LRP1B: variants seen among roughly 807,000 people sequenced by gnomAD.
The protein encoded by LRP1B is LDL receptor related protein 1B.
In LRP1B, 217 loss-of-function variants were observed where a neutral mutation model predicts 556.6. The observed-to-expected ratio is 0.39, with a 90% CI of 0.35 to 0.44. The LOEUF (loss-of-function observed/expected upper bound fraction) is 0.44. LRP1B is among the 20% of genes least tolerant of loss of function. The probability of loss-of-function intolerance (pLI) is 1.00; values close to 1 mark genes in which losing one functional copy is unlikely to be tolerated. For missense variants in LRP1B, 5,053 were observed against 5,620.8 expected (o/e 0.90, Z 3.23); for synonymous variants, 2,047 against 1,865.8 (o/e 1.10, Z -2.50).
At chr2:140,598,902 C>T in intron 42 of LRP1B, 67 bp from the exon 43 acceptor site, 1 of 976,010 alleles carries the variant, frequency 1.0e-6, no homozygotes, top group Non-Finnish European at 1.6e-6. Context: ...CTAATAGAAA[C>T]ATGGCAATAC....
intron 72 of LRP1B, among the ~76,000 whole-genome samples, chr2:140,361,341 C>CACATATAT (rs1553454117): frequency 6.5e-5 from 2 of 30,730 alleles, no homozygotes; most frequent in Admixed American, 5.8e-4. Flanking sequence ...ACTTGGAAAG[C>CACATATAT]ATATATATAT....
intron 24 of LRP1B, 87 bp from the exon 25 acceptor site, chr2:140,884,108 G>C: frequency 8.4e-7 from 1 of 1,184,822 alleles, no homozygotes; most frequent in Non-Finnish European, 1.2e-6. Context: ...GTGATCAGCA[G>C]TACAAATTAT....
At chr2:141,705,495 T>C (rs575893654) in intron 2 of LRP1B, among the ~76,000 whole-genome samples, 13 of 152,120 alleles carry the variant, frequency 8.5e-5, no homozygotes, top group Non-Finnish European at 1.5e-4. Flanking sequence ...AGGTAGTGCT[T>C]AATGATTGCT....
chr2:140,495,788 G>T (rs776713563), intron 55 of LRP1B, 40 bp from the exon 56 acceptor site: 85 of 1,513,416 alleles, frequency 5.6e-5, no homozygotes, highest in Non-Finnish European at 7.4e-5. Flanking sequence ...TCATATCATT[G>T]TCACTGTCTT....
chr2:141,902,396 C>A (rs1699644779), intron 1 of LRP1B, among the ~76,000 whole-genome samples: 1 of 151,876 alleles, frequency 6.6e-6, no homozygotes, highest in Non-Finnish European at 1.5e-5. Flanking sequence ...ATACATATAA[C>A]TATGGCAGAG....
rs373356995 is a variant in LRP1B, at chr2:140,456,357, C to T, written c.9963+98G>A. 8.8e-5 allele frequency: 104 copies of T among 1,184,362 alleles called. No individual in the cohort carries two copies. In the African/African-American group the frequency reaches 1.5e-3, roughly 17 times the overall value. The allele number at this position is 1,184,362 out of a possible 1,614,324, so 73.4% of individuals were successfully genotyped here. Reference sequence around the variant, plus strand: ...GTGTTTTCCTTTATTCTGTGACCATCTCTACAATGTATGGAATGATCATTC... The same window carrying T: ...GTGTTTTCCTTTATTCTGTGACCATTTCTACAATGTATGGAATGATCATTC... On this transcript the variant is annotated intron_variant, in intron 62 of 90. Coordinates refer to ENST00000389484, the MANE Select transcript of LRP1B (RefSeq NM_018557.3).
chr2:142,025,674 T>C (rs115990237), intron 1 of LRP1B, among the ~76,000 whole-genome samples: 4,072 of 152,250 alleles, frequency 0.027, 74 homozygotes, highest in Non-Finnish European at 0.04. Context: ...AGCATACCTT[T>C]ACATTAAAAA....
intron 3 of LRP1B, among the ~76,000 whole-genome samples, chr2:141,266,531 T>TA (rs1169251747): frequency 6.7e-6 from 1 of 149,658 alleles, no homozygotes; most frequent in Non-Finnish European, 1.5e-5. Flanking sequence ...CAATTTTTTT[T>TA]AAAAAATCTG....
At chr2:140,479,218 C>T (rs1331630098) in intron 59 of LRP1B, among the ~76,000 whole-genome samples, 1 of 151,376 alleles carries the variant, frequency 6.6e-6, no homozygotes, top group Non-Finnish European at 1.5e-5. Context: ...TATTGCTATA[C>T]TTTTTTTTTC....
intron 2 of LRP1B, among the ~76,000 whole-genome samples, chr2:141,579,379 C>T (rs1231369739): frequency 6.6e-6 from 1 of 152,102 alleles, no homozygotes; most frequent in Non-Finnish European, 1.5e-5. Flanking sequence ...TCCAGGAGAG[C>T]CACTGAACAT....
chr2:141,371,814 CAG>C (rs1689240069), intron 3 of LRP1B, among the ~76,000 whole-genome samples: 1 of 152,012 alleles, frequency 6.6e-6, no homozygotes. Context: ...CATAAGTGAA[CAG>C]AGATAATTTG....
chr2:141,937,411 A>T (rs1027386101), intron 1 of LRP1B, among the ~76,000 whole-genome samples: 3 of 151,460 alleles, frequency 2.0e-5, no homozygotes, highest in East Asian at 1.9e-4. Flanking sequence ...AATAAAATAA[A>T]AAATAAAAAT....
chr2:140,650,865 T>G (rs1684658204), intron 41 of LRP1B, among the ~76,000 whole-genome samples: 2 of 152,136 alleles, frequency 1.3e-5, no homozygotes, highest in African/African-American at 4.8e-5. Flanking sequence ...ACAAGGTTAA[T>G]AGATCTAGAC....
chr2:140,973,059 T>C (rs570907259), intron 18 of LRP1B, among the ~76,000 whole-genome samples: 347 of 28,966 alleles, frequency 0.012, 2 homozygotes, highest in African/African-American at 0.022. Flanking sequence ...ATTTTATATA[T>C]ATATATATAT....
intron 43 of LRP1B, among the ~76,000 whole-genome samples, chr2:140,593,237 T>C (rs1429493007): frequency 6.6e-6 from 1 of 152,188 alleles, no homozygotes; most frequent in African/African-American, 2.4e-5. Flanking sequence ...TTTAAAAGAA[T>C]GTCAGTGGTA....
At chr2:141,947,844 T>C (rs1467315129) in intron 1 of LRP1B, among the ~76,000 whole-genome samples, 1 of 150,188 alleles carries the variant, frequency 6.7e-6, no homozygotes, top group East Asian at 1.9e-4. Flanking sequence ...ACTGAAAGGA[T>C]GTTTCCTGCA....
At chr2:141,807,529 G>T (rs970129741) in intron 2 of LRP1B, among the ~76,000 whole-genome samples, 1 of 152,038 alleles carries the variant, frequency 6.6e-6, no homozygotes, top group Non-Finnish European at 1.5e-5. Context: ...TTTAATTTTG[G>T]ATCCATCAAA....
At chr2:141,117,121 TG>T in intron 7 of LRP1B, among the ~76,000 whole-genome samples, 1 of 152,082 alleles carries the variant, frequency 6.6e-6, no homozygotes, top group Non-Finnish European at 1.5e-5. Context: ...CATTGACTTT[TG>T]TCACTAACAC....
chr2:140,606,294 A>G (rs1473925593), intron 41 of LRP1B, among the ~76,000 whole-genome samples: 1 of 151,998 alleles, frequency 6.6e-6, no homozygotes, highest in Non-Finnish European at 1.5e-5. Context: ...GAATACTTAG[A>G]AATAAGTTTA....
Sources: gnomAD v4.1 joint callset for allele counts (sites outside exome capture counted in the v4.1 genomes callset) on GRCh38, gnomAD v4.1.1 for gene constraint, MANE v1.5 for transcripts, NCBI Gene and HGNC (gene_info 2026-07-23, HGNC 2026-07-21) for gene names.